RHBDD1: variants seen among roughly 807,000 people sequenced by gnomAD.
RHBDD1 encodes rhomboid domain containing 1.
A neutral mutation model predicts 36.3 loss-of-function variants in RHBDD1; 38 were observed. That is an observed-to-expected ratio of 1.05 (90% CI 0.81 to 1.37). The LOEUF (loss-of-function observed/expected upper bound fraction) is 1.37, where lower values mean the gene tolerates loss of function less well. Among genes scored for constraint, RHBDD1 ranks in the 40% most tolerant of loss-of-function variants. The pLI, the probability that RHBDD1 is intolerant of heterozygous loss-of-function variation, is 0.00. For missense variants in RHBDD1, 393 were observed against 377.6 expected (o/e 1.04, Z -0.34); for synonymous variants, 151 against 136.5 (o/e 1.11, Z -0.74).
At chr2:226,848,134 C>T (rs1226925919) in intron 3 of RHBDD1, among the ~76,000 whole-genome samples, 1 of 152,022 alleles carries the variant, frequency 6.6e-6, no homozygotes, top group East Asian at 1.9e-4. Context: ...TTTTTTTAAG[C>T]TGTGACTGTG....
the RHBDD1 span, among the ~76,000 whole-genome samples, chr2:226,826,420 T>C: frequency 6.6e-6 from 1 of 152,212 alleles, no homozygotes; most frequent in African/African-American, 2.4e-5. Flanking sequence ...ATAATTAACC[T>C]TGGCATGTCT....
chr2:226,856,690 A>G (rs1348429507), intron 3 of RHBDD1, among the ~76,000 whole-genome samples: 4 of 152,212 alleles, frequency 2.6e-5, no homozygotes, highest in Non-Finnish European at 5.9e-5. Context: ...AGAGAAAAAA[A>G]TGCATGTAGC....
intron 8 of RHBDD1, among the ~76,000 whole-genome samples, chr2:226,970,938 A>G (rs551604283): frequency 7.1e-4 from 108 of 152,348 alleles, no homozygotes; most frequent in African/African-American, 2.5e-3. Flanking sequence ...CAAGTGTATT[A>G]AAACATACGC....
chr2:226,955,649 C>T (rs1951740641), intron 8 of RHBDD1, among the ~76,000 whole-genome samples: 3 of 152,194 alleles, frequency 2.0e-5, no homozygotes, highest in Admixed American at 2.0e-4. Context: ...GTTAGAAGTC[C>T]AGGATCAAGG....
intron 8 of RHBDD1, chr2:226,935,425 G>T (rs1270803871): frequency 6.6e-6 from 1 of 151,968 alleles, no homozygotes; most frequent in Non-Finnish European, 1.5e-5. Context: ...GCAACATCAA[G>T]GTATGTAAAA....
At chr2:226,886,592 AG>A (rs1410917559) in intron 5 of RHBDD1, among the ~76,000 whole-genome samples, 1 of 152,228 alleles carries the variant, frequency 6.6e-6, no homozygotes, top group African/African-American at 2.4e-5. Flanking sequence ...TAGGCTACAA[AG>A]GCAACTTCAA....
chr2:226,980,322 A>T (rs1039167223), intron 8 of RHBDD1, among the ~76,000 whole-genome samples: 1 of 152,118 alleles, frequency 6.6e-6, no homozygotes, highest in African/African-American at 2.4e-5. Flanking sequence ...TCCCCACCAG[A>T]GCGAGGTAGC....
chr2:226,869,896 C>T (rs1454864590), intron 5 of RHBDD1, among the ~76,000 whole-genome samples: 1 of 152,186 alleles, frequency 6.6e-6, no homozygotes, highest in Non-Finnish European at 1.5e-5. Flanking sequence ...CTGGTGCCTC[C>T]TTCCTAGACC....
At chr2:226,903,465 A>G (rs372693381) in intron 5 of RHBDD1, among the ~76,000 whole-genome samples, 4 of 152,168 alleles carry the variant, frequency 2.6e-5, no homozygotes, top group African/African-American at 9.7e-5. Flanking sequence ...AAAGCATAGT[A>G]TATATAAGGT....
chr2:226,807,274 G>T, the RHBDD1 span, among the ~76,000 whole-genome samples: 1 of 152,090 alleles, frequency 6.6e-6, no homozygotes, highest in African/African-American at 2.4e-5. Context: ...ATATATTCTT[G>T]TAAATTTGTA....
chr2:226,824,714 A>C, the RHBDD1 span, among the ~76,000 whole-genome samples: 1 of 152,204 alleles, frequency 6.6e-6, no homozygotes, highest in African/African-American at 2.4e-5. Flanking sequence ...CCTTCACCCA[A>C]GATCTTCTGC....
chr2:226,850,480 G>T (rs1279680174), intron 3 of RHBDD1, among the ~76,000 whole-genome samples: 1 of 152,132 alleles, frequency 6.6e-6, no homozygotes, highest in Non-Finnish European at 1.5e-5. Context: ...TGGATTTATG[G>T]CATCAGAATG....
chr2:226,839,552 A>C lies in RHBDD1; in HGVS notation c.-166A>C, dbSNP rs1941382574. 6.6e-6 allele frequency: 1 copy of C among 152,012 alleles called. No individual in the cohort carries two copies. The highest frequency in any genetic ancestry group is 1.5e-5 in the Non-Finnish European group (1 of 68,044). 9.4% of individuals were successfully genotyped at this position (152,012 alleles called of 1,614,324 possible). A position where few individuals can be genotyped will look rare whatever the true frequency, so the allele number is the denominator to read the frequency against. ...GGAACCTCGGATTCCGGGGAGCTGG[A>C]CGTGAAACTCTGTGGTGGAATAGAA... On this transcript the variant is annotated 5_prime_UTR_variant, in exon 3 of 9. Coordinates refer to ENST00000392062, the MANE Select transcript of RHBDD1 (RefSeq NM_001167608.3).
At chr2:226,953,851 A>C (rs1373165929) in intron 8 of RHBDD1, among the ~76,000 whole-genome samples, 1 of 152,208 alleles carries the variant, frequency 6.6e-6, no homozygotes, top group Non-Finnish European at 1.5e-5. Context: ...AAATTATGAA[A>C]GCTGACAACC....
At chr2:226,824,634 G>A in the RHBDD1 span, among the ~76,000 whole-genome samples, 1 of 152,104 alleles carries the variant, frequency 6.6e-6, no homozygotes, top group East Asian at 1.9e-4. Flanking sequence ...CAAGCCCTAT[G>A]GTAGTAATTT....
chr2:226,882,494 G>GT (rs1229830053), intron 5 of RHBDD1, among the ~76,000 whole-genome samples: 2 of 149,110 alleles, frequency 1.3e-5, no homozygotes, highest in Non-Finnish European at 3.0e-5. Context: ...AAGATGGGTT[G>GT]TTTTTTGTGG....
chr2:226,914,648 A>T (rs368254291), intron 8 of RHBDD1: 32 of 171,528 alleles, frequency 1.9e-4, no homozygotes, highest in African/African-American at 7.4e-4. Context: ...GATGCATGAT[A>T]AAAAAAAGAG....
intron 5 of RHBDD1, among the ~76,000 whole-genome samples, chr2:226,870,867 G>C (rs192339339): frequency 1.3e-5 from 2 of 152,022 alleles, no homozygotes; most frequent in Admixed American, 6.5e-5. Flanking sequence ...TCACATTGAG[G>C]AGGAGGAGGA....
At chr2:226,837,516 T>G (rs1941106312) in intron 1 of RHBDD1, 1 of 151,666 alleles carries the variant, frequency 6.6e-6, no homozygotes, top group Non-Finnish European at 1.5e-5. Context: ...TGAAGAGTAG[T>G]TTTTAATTCT....
Sources: gnomAD v4.1 joint callset for allele counts (sites outside exome capture counted in the v4.1 genomes callset) on GRCh38, gnomAD v4.1.1 for gene constraint, MANE v1.5 for transcripts, NCBI Gene and HGNC (gene_info 2026-07-23, HGNC 2026-07-21) for gene names.